Variants in CCSER1 observed in about 807,000 individuals in gnomAD.
The protein encoded by CCSER1 is serine-rich coiled-coil domain-containing protein 1.
CCSER1 carries 41 observed loss-of-function variants against 82.0 expected under a neutral mutation model. The observed-to-expected ratio is 0.50, with a 90% confidence interval of 0.39 to 0.65. The LOEUF (loss-of-function observed/expected upper bound fraction) is 0.65, where lower values mean the gene tolerates loss of function less well. CCSER1 is among the 30% of genes least tolerant of loss of function. CCSER1 has a pLI of 0.00. For missense variants in CCSER1, 1,119 were observed against 1,064.2 expected, an observed-to-expected ratio of 1.05 and a Z score of -0.72; for synonymous variants, 414 against 383.9, an observed-to-expected ratio of 1.08 and a Z score of -0.92.
chr4:91,017,074 G>T (rs1739493884), intron 9 of CCSER1: 1 of 152,134 alleles, frequency 6.6e-6, no homozygotes, highest in South Asian at 2.1e-4. Context: ...TTAATAAACT[G>T]ATAAGATAAT....
At chr4:91,118,705 C>CA (rs1455597138) in intron 10 of CCSER1, among the ~76,000 whole-genome samples, 1 of 152,148 alleles carries the variant, frequency 6.6e-6, no homozygotes, top group East Asian at 1.9e-4. Flanking sequence ...TTTATATGAA[C>CA]AAAAGCTTCA....
chr4:91,002,215 G>T (rs1419572401), intron 9 of CCSER1, among the ~76,000 whole-genome samples: 1 of 152,160 alleles, frequency 6.6e-6, no homozygotes, highest in Non-Finnish European at 1.5e-5. Context: ...TAGATAACCT[G>T]AAGACAATGT....
chr4:90,178,623 G>A (rs1733153794), intron 1 of CCSER1, among the ~76,000 whole-genome samples: 1 of 152,046 alleles, frequency 6.6e-6, no homozygotes, highest in South Asian at 2.1e-4. Context: ...TAATTCATTA[G>A]AATTCGGTAT....
intron 10 of CCSER1, among the ~76,000 whole-genome samples, chr4:91,191,239 A>G (rs1384413027): frequency 6.6e-6 from 1 of 152,136 alleles, no homozygotes; most frequent in African/African-American, 2.4e-5. Context: ...CTGATTATAC[A>G]TAGGCCCAGT....
intron 4 of CCSER1, among the ~76,000 whole-genome samples, chr4:90,455,907 C>T (rs974096671): frequency 6.6e-6 from 1 of 152,166 alleles, no homozygotes; most frequent in Non-Finnish European, 1.5e-5. Flanking sequence ...GGATCTCTCA[C>T]ATCTAGTTTT....
chr4:90,487,816 A>G (rs1228691055), intron 5 of CCSER1, among the ~76,000 whole-genome samples: 1 of 152,056 alleles, frequency 6.6e-6, no homozygotes, highest in Non-Finnish European at 1.5e-5. Context: ...TAATTTTTGT[A>G]TTTTTAGTAG....
At chr4:90,853,032 A>G (rs527630061) in intron 8 of CCSER1, among the ~76,000 whole-genome samples, 2 of 152,244 alleles carry the variant, frequency 1.3e-5, no homozygotes, top group East Asian at 1.9e-4. Context: ...AGCGAGAGAT[A>G]AAGTACGGAA....
chr4:90,691,105 A>G (rs1735736485), intron 6 of CCSER1, among the ~76,000 whole-genome samples: 1 of 151,924 alleles, frequency 6.6e-6, no homozygotes, highest in Non-Finnish European at 1.5e-5. Context: ...TCTTTAGTAG[A>G]TGACAACAAC....
intron 10 of CCSER1, among the ~76,000 whole-genome samples, chr4:91,489,001 T>C (rs1322952071): frequency 6.6e-6 from 1 of 152,158 alleles, no homozygotes; most frequent in Non-Finnish European, 1.5e-5. Context: ...AAGAAAGCAT[T>C]ATTTTGTAAT....
intron 8 of CCSER1, among the ~76,000 whole-genome samples, chr4:90,816,636 T>C (rs17017663): frequency 0.33 from 50,788 of 151,958 alleles, 8,639 homozygotes; most frequent in East Asian, 0.43. Context: ...TTTACACTAA[T>C]AATAGATTAA....
intron 6 of CCSER1, among the ~76,000 whole-genome samples, chr4:90,707,232 T>G (rs1345326352): frequency 6.6e-6 from 1 of 152,012 alleles, no homozygotes; most frequent in East Asian, 1.9e-4. Flanking sequence ...GGATTTTAGC[T>G]CCTTGAACTG....
At chr4:91,261,006 G>A (rs1216947412) in intron 10 of CCSER1, among the ~76,000 whole-genome samples, 6 of 151,950 alleles carry the variant, frequency 3.9e-5, no homozygotes, top group Admixed American at 2.0e-4. Flanking sequence ...CTGGTGATCC[G>A]CCCTCCTCAG....
chr4:90,868,332 C>A (rs1766000946), intron 8 of CCSER1, among the ~76,000 whole-genome samples: 1 of 151,878 alleles, frequency 6.6e-6, no homozygotes, highest in Non-Finnish European at 1.5e-5. Context: ...ATCCCTTTTT[C>A]CCCCACCACT....
chr4:91,148,141 T>C (rs938205965), intron 10 of CCSER1, among the ~76,000 whole-genome samples: 2 of 152,202 alleles, frequency 1.3e-5, no homozygotes, highest in Non-Finnish European at 2.9e-5. Context: ...TTTATGATAA[T>C]GCAATATATG....
At chr4:91,217,600 C>T (rs1713114244) in intron 10 of CCSER1, among the ~76,000 whole-genome samples, 2 of 152,080 alleles carry the variant, frequency 1.3e-5, no homozygotes, top group Non-Finnish European at 2.9e-5. Flanking sequence ...TCCAAGGCCC[C>T]ACCAGAGCAG....
At chr4:91,065,771 A>T (rs1720747670) in intron 9 of CCSER1, among the ~76,000 whole-genome samples, 1 of 152,130 alleles carries the variant, frequency 6.6e-6, no homozygotes, top group African/African-American at 2.4e-5. Context: ...ATACACATAC[A>T]GGTATAGAAA....
chr4:91,581,907 G>A (rs114339668), intron 10 of CCSER1, among the ~76,000 whole-genome samples: 1,651 of 151,610 alleles, frequency 0.011, 33 homozygotes, highest in African/African-American at 0.038. Context: ...CTTTGCCCTA[G>A]TTGAGAACCA....
rs200984853 is a variant in CCSER1 at position 90,556,859 on chromosome 4, T to TA, written c.1725-71165dup. On this transcript the variant is annotated intron_variant, in intron 5 of 10. Coordinates refer to ENST00000509176, the MANE Select transcript of CCSER1 (RefSeq NM_001145065.2). ...ACAACTGTATATCTATATGTGTATA[T>TA]ATATATATATATGGACATATAAATG... Among the ~76,000 whole-genome samples the TA allele has an allele frequency of 7.0e-3, 1,064 of 151,380 alleles. 14 individuals carry two copies. Among genetic ancestry groups the TA allele is most frequent in the African/African-American group, 0.021 (853 of 41,336 alleles).
At chr4:91,156,268 A>G (rs1474934684) in intron 10 of CCSER1, among the ~76,000 whole-genome samples, 1 of 151,808 alleles carries the variant, frequency 6.6e-6, no homozygotes, top group Non-Finnish European at 1.5e-5. Context: ...AATAAATGAA[A>G]TAATCCTTGG....
Sources: allele counts gnomAD v4.1 joint callset (sites outside exome capture counted in the v4.1 genomes callset), GRCh38; gene constraint gnomAD v4.1.1; transcripts MANE v1.5; gene names NCBI Gene and HGNC (gene_info 2026-07-23, HGNC 2026-07-21).